SULT1C4: variants seen among roughly 807,000 people sequenced by gnomAD.
The protein encoded by SULT1C4 is sulfotransferase family 1C member 4.
Under a neutral mutation model 34.8 loss-of-function variants are expected in SULT1C4, and 32 were observed. The observed-to-expected ratio is 0.92, with a 90% confidence interval of 0.69 to 1.23. The LOEUF is 1.23. Ranked by LOEUF, SULT1C4 falls within the 50% of genes most tolerant of loss-of-function variation. The pLI is 0.00. For missense variants in SULT1C4, 375 were observed against 365.9 expected, an observed-to-expected ratio of 1.02 and a Z score of -0.20; for synonymous variants, 111 against 120.5, an observed-to-expected ratio of 0.92 and a Z score of 0.51.
In SULT1C4 at chr2:108,381,779, G is replaced by C; in HGVS notation, c.187G>C (p.Glu63Gln). The change falls in exon 2 of 7, where the codon GAG becomes CAG. Residue 63 changes from glutamate (E) to glutamine (Q), a missense_variant. Transcript: ENST00000272452. ...CACGTAAGGAACAACATGGACTCAG[G>C]AGATAGTGGAATTAATACAAAATGA... ...YPKAGTTWTQEIVELIQNEGD... is the reference protein window; with the variant it reads ...YPKAGTTWTQQIVELIQNEGD... 1 of 1,431,630 alleles carries C rather than the reference G, an allele frequency of 7.0e-7. No individual in the cohort carries two copies. 88.7% of individuals were successfully genotyped at this position (1,431,630 alleles called of 1,614,324 possible). A position where few individuals can be genotyped will look rare whatever the true frequency, so the allele number is the denominator to read the frequency against.
At chr2:108,379,328 CA>C (rs1678328347) in intron 1 of SULT1C4, among the ~76,000 whole-genome samples, 1 of 152,200 alleles carries the variant, frequency 6.6e-6, no homozygotes, top group Non-Finnish European at 1.5e-5. Context: ...AAGATCCTGA[CA>C]GAAGATTCTG....
intron 5 of SULT1C4, among the ~76,000 whole-genome samples, chr2:108,383,900 A>C (rs1678498765): frequency 1.3e-5 from 2 of 148,746 alleles, no homozygotes; most frequent in African/African-American, 2.6e-5. Flanking sequence ...GAGGAGTTTC[A>C]CTCTGTCGCC....
chr2:108,381,209 G>A (rs948112304), intron 1 of SULT1C4, among the ~76,000 whole-genome samples: 1 of 151,910 alleles, frequency 6.6e-6, no homozygotes, highest in African/African-American at 2.4e-5. Context: ...AGTTGTGACA[G>A]AAAAAAATAA....
At chr2:108,378,624 C>G in intron 1 of SULT1C4, 118 bp downstream of exon 1, 1 of 1,158,602 alleles carries the variant, frequency 8.6e-7, no homozygotes, top group Non-Finnish European at 1.2e-6. Flanking sequence ...AGTGATATGG[C>G]TAAGGAAAGT....
At position 108,383,092 on chromosome 2, in the gene SULT1C4, G is replaced by C. The variant is rs780747979; in HGVS notation, c.394-1G>C. The C allele has an allele frequency of 1.3e-6, 2 of 1,567,076 alleles. No homozygotes were observed. The highest frequency in any genetic ancestry group is 1.4e-5 in the African/African-American group (1 of 72,056). ...CCTTCCCCTCCCCTCATCATTCCCA[G>C]ATAATCTATGTAGCAAGAAATCCCA... On this transcript the variant is annotated splice_acceptor_variant, in intron 3 of 6. Transcript: ENST00000272452. LOFTEE classifies it high-confidence loss of function.
chr2:108,387,423 C>T lies in SULT1C4; in HGVS notation c.900C>T (p.Phe300=), dbSNP rs1465127433. The T allele has an allele frequency of 6.2e-7, 1 of 1,607,830 alleles. No homozygotes were observed. The highest frequency in any genetic ancestry group is 2.2e-5 in the East Asian group (1 of 44,786). Residue 300 remains phenylalanine (F), a synonymous_variant, in exon 7 of 7, where the codon TTC becomes TTT. Transcript: ENST00000272452. ...KMTDTRLTFH[F]QF is the part of the protein sequence containing the mutation. ...CTGATACCAGACTAACTTTCCACTTCCAGTTCTAGTAAGGAAGAAAAACTG... is the reference window on the plus strand; with the variant it reads ...CTGATACCAGACTAACTTTCCACTTTCAGTTCTAGTAAGGAAGAAAAACTG...
intron 1 of SULT1C4, 128 bp from the exon 2 acceptor site, chr2:108,381,634 C>T (rs1678398202): frequency 2.8e-6 from 3 of 1,059,858 alleles, no homozygotes; most frequent in East Asian, 3.2e-5. Context: ...AGAGCAAGAC[C>T]CTGTCTCAAA....
At position 108,388,174 on chromosome 2, in the gene SULT1C4, G is replaced by A. The variant is rs1286446840; in HGVS notation, c.*742G>A. The A allele has an allele frequency of 6.6e-6, 1 of 152,094 alleles. No homozygotes were observed. The highest frequency in any genetic ancestry group is 1.5e-5 in the Non-Finnish European group (1 of 68,026). The allele number at this position is 152,094 out of a possible 1,614,324, so 9.4% of individuals were successfully genotyped here. On this transcript the variant is annotated 3_prime_UTR_variant, in exon 7 of 7. Coordinates refer to ENST00000272452, the MANE Select transcript of SULT1C4 (RefSeq NM_006588.4). ...TTTGTTCCAGCAATTTTTTGGTGGT[G>A]AAGTAACCATCAAGTGATTCAGGTT... is the stretch of plus-strand genomic sequence containing the variant.
At chr2:108,379,082 C>T (rs1678321760) in intron 1 of SULT1C4, among the ~76,000 whole-genome samples, 1 of 152,106 alleles carries the variant, frequency 6.6e-6, no homozygotes, top group South Asian at 2.1e-4. Flanking sequence ...GCCACCACGT[C>T]ATAAAAATTG....
chr2:108,386,171 T>A, intron 5 of SULT1C4, 21 bp from the exon 6 acceptor site: 1 of 1,425,612 alleles, frequency 7.0e-7, no homozygotes, highest in Non-Finnish European at 9.3e-7. Flanking sequence ...ATCATTACTT[T>A]TCTTTTGACT....
chr2:108,383,010 T>G, intron 3 of SULT1C4, 83 bp from the exon 4 acceptor site: 1 of 1,444,200 alleles, frequency 6.9e-7, no homozygotes, highest in Admixed American at 2.4e-5. Flanking sequence ...TAACATGACT[T>G]GCCTGGGCAG....
At chr2:108,384,231 T>C (rs990253641) in intron 5 of SULT1C4, among the ~76,000 whole-genome samples, 1 of 147,232 alleles carries the variant, frequency 6.8e-6, no homozygotes, top group Non-Finnish European at 1.5e-5. Flanking sequence ...TTTATTTATT[T>C]ATTTTATTTA....
intron 5 of SULT1C4, 65 bp from the exon 6 acceptor site, chr2:108,386,127 C>T: frequency 8.2e-7 from 1 of 1,215,438 alleles, no homozygotes. Flanking sequence ...GTCATTAATC[C>T]ATCATAATAT....
At chr2:108,386,085 T>G (rs1260350630) in intron 5 of SULT1C4, 107 bp from the exon 6 acceptor site, 2 of 921,974 alleles carry the variant, frequency 2.2e-6, no homozygotes, top group African/African-American at 3.5e-5. Context: ...GATTTGTTTT[T>G]TATTTTAGCT....
intron 5 of SULT1C4, among the ~76,000 whole-genome samples, chr2:108,385,367 T>C (rs1372001192): frequency 1.3e-5 from 2 of 152,216 alleles, no homozygotes; most frequent in Non-Finnish European, 2.9e-5. Flanking sequence ...TCCCTAAAAC[T>C]TTTAAAAATA....
At position 108,381,766 on chromosome 2, in the gene SULT1C4, A is replaced by G; in HGVS notation, c.174A>G (p.Thr58=). ...LLISTYPKAG[T]TWTQEIVELI... is the part of the protein sequence containing the mutation. ...TTCATTTTACGTGCACGTAAGGAAC[A>G]ACATGGACTCAGGAGATAGTGGAAT... The change falls in exon 2 of 7, where the codon ACA becomes ACG. Residue 58 remains threonine (T), a synonymous_variant. Transcript: ENST00000272452. The G allele has an allele frequency of 7.1e-7, 1 of 1,409,474 alleles. No homozygotes were observed. Among genetic ancestry groups the G allele is most frequent in the Non-Finnish European group, 9.3e-7 (1 of 1,077,378 alleles). 87.3% of individuals were successfully genotyped at this position (1,409,474 alleles called of 1,614,324 possible).
intron 5 of SULT1C4, among the ~76,000 whole-genome samples, chr2:108,385,845 T>G (rs548516211): frequency 1.2e-4 from 19 of 152,344 alleles, no homozygotes; most frequent in Middle Eastern, 3.4e-3. Context: ...TCTTAAATCT[T>G]CTGCCCCTGT....
At chr2:108,381,547 G>A (rs1032643669) in intron 1 of SULT1C4, among the ~76,000 whole-genome samples, 14 of 152,114 alleles carry the variant, frequency 9.2e-5, no homozygotes, top group African/African-American at 3.1e-4. Flanking sequence ...TGCTACTCAG[G>A]AGGCTGAGGC....
At position 108,388,966 on chromosome 2, in the gene SULT1C4, T is replaced by C. The variant is rs746279978; in HGVS notation, c.*1534T>C. Among the ~76,000 whole-genome samples, 2 of 152,254 alleles carry C rather than the reference T, an allele frequency of 1.3e-5. No individual in the cohort carries two copies. Among genetic ancestry groups the C allele is most frequent in the Non-Finnish European group, 2.9e-5 (2 of 68,046 alleles). ...AGTGTAACTCTTCTGTGATGAAGAT[T>C]AAAGTGTATTATGGCAACTCTCATG... On this transcript the variant is annotated 3_prime_UTR_variant, in exon 7 of 7. Coordinates refer to ENST00000272452, the MANE Select transcript of SULT1C4 (RefSeq NM_006588.4).
Sources: gnomAD v4.1 joint callset for allele counts (sites outside exome capture counted in the v4.1 genomes callset) on GRCh38, gnomAD v4.1.1 for gene constraint, MANE v1.5 for transcripts, NCBI Gene and HGNC (gene_info 2026-07-23, HGNC 2026-07-21) for gene names.